GOLGA1: variants seen among roughly 807,000 people sequenced by gnomAD.
The protein encoded by GOLGA1 is golgin A1.
GOLGA1 carries 63 observed loss-of-function variants against 119.7 expected under a neutral mutation model. The ratio of observed to expected loss-of-function variants is 0.53; its 90% CI spans 0.43 to 0.65. GOLGA1 has a LOEUF of 0.65. Among genes scored for constraint, GOLGA1 ranks in the 30% least tolerant of loss-of-function variants. The pLI, the probability that GOLGA1 is intolerant of heterozygous loss-of-function variation, is 0.00. For missense variants in GOLGA1, 798 were observed against 912.8 expected (o/e 0.87, Z 1.62); for synonymous variants, 318 against 333.4 (o/e 0.95, Z 0.50).
intron 15 of GOLGA1, 101 bp from the exon 16 acceptor site, chr9:124,890,579 CAG>C: frequency 1.1e-6 from 1 of 870,938 alleles, no homozygotes; most frequent in Non-Finnish European, 1.9e-6. Context: ...TTTGCAGAGC[CAG>C]ACCAACATGC....
intron 19 of GOLGA1, among the ~76,000 whole-genome samples, chr9:124,883,291 T>C (rs138908224): frequency 9.5e-4 from 144 of 150,928 alleles, no homozygotes; most frequent in Middle Eastern, 3.4e-3. Flanking sequence ...TTCTTCTCCT[T>C]CTTTTTTTTT....
intron 8 of GOLGA1, among the ~76,000 whole-genome samples, chr9:124,922,564 A>G (rs1456718630): frequency 1.3e-5 from 2 of 151,302 alleles, no homozygotes; most frequent in East Asian, 1.9e-4. Context: ...AAAAAAAAAA[A>G]AAAGAAAGAA....
chr9:124,945,884 A>G (rs1022119912), upstream of GOLGA1: 2 of 152,114 alleles, frequency 1.3e-5, no homozygotes, highest in African/African-American at 4.8e-5. Flanking sequence ...AAGTGGTCCC[A>G]TTATCCAGGA....
intron 22 of GOLGA1, among the ~76,000 whole-genome samples, 173 bp from the exon 23 acceptor site, chr9:124,880,783 C>T (rs774841081): frequency 6.6e-6 from 1 of 152,074 alleles, no homozygotes; most frequent in Non-Finnish European, 1.5e-5. Flanking sequence ...GGCCCGTGCT[C>T]AGTACAGGAG....
chr9:124,886,204 G>C (rs1829716479), intron 19 of GOLGA1, among the ~76,000 whole-genome samples: 1 of 152,230 alleles, frequency 6.6e-6, no homozygotes, highest in Non-Finnish European at 1.5e-5. Flanking sequence ...TGTCTGGGCG[G>C]GAGGTAGGGA....
At chr9:124,902,217 T>C (rs1394236518) in intron 12 of GOLGA1, among the ~76,000 whole-genome samples, 4 of 151,562 alleles carry the variant, frequency 2.6e-5, no homozygotes, top group Non-Finnish European at 4.4e-5. Flanking sequence ...GTTCACGCCA[T>C]TCTCCTGCCT....
chr9:124,938,893 CA>C, intron 2 of GOLGA1, 27 bp from the exon 3 acceptor site: 1 of 492,006 alleles, frequency 2.0e-6, no homozygotes, highest in Admixed American at 3.9e-5. Context: ...AGAGACAGTT[CA>C]AAAGTTAAAC....
Position 124,908,401 on chromosome 9 carries a change from C to CT in GOLGA1, c.1040dup (p.Ala348GlyfsTer3). ...CCCGAGTCTCCAGGGTGTTAATGGC[C>CT]TTAGCCTGGCTGCTTCTGGCTGCCA... is the stretch of plus-strand genomic sequence containing the variant. On this transcript the variant is annotated frameshift_variant, in exon 12 of 23. Coordinates refer to ENST00000373555, the MANE Select transcript of GOLGA1 (RefSeq NM_002077.4). LOFTEE classifies it high-confidence loss of function. 1 of 1,607,602 alleles carries CT rather than the reference C, an allele frequency of 6.2e-7. No individual in the cohort carries two copies. The highest frequency in any genetic ancestry group is 1.1e-5 in the South Asian group (1 of 90,962).
intron 18 of GOLGA1, 100 bp downstream of exon 18, chr9:124,889,043 C>T: frequency 6.7e-6 from 6 of 898,460 alleles, no homozygotes; most frequent in South Asian, 1.7e-5. Context: ...AGGGGAGCGT[C>T]GTGTCCACCA....
At chr9:124,917,520 T>C (rs1165366711) in intron 10 of GOLGA1, among the ~76,000 whole-genome samples, 1 of 152,158 alleles carries the variant, frequency 6.6e-6, no homozygotes, top group Non-Finnish European at 1.5e-5. Context: ...TCAATAGTTC[T>C]TACATTTGTC....
intron 10 of GOLGA1, among the ~76,000 whole-genome samples, chr9:124,919,737 T>C (rs1830524610): frequency 6.6e-6 from 1 of 152,122 alleles, no homozygotes; most frequent in Admixed American, 6.5e-5. Context: ...TGGATGGCAC[T>C]GCCGAATAGG....
chr9:124,910,012 T>C (rs1434548797), intron 11 of GOLGA1, among the ~76,000 whole-genome samples: 3 of 152,144 alleles, frequency 2.0e-5, no homozygotes, highest in African/African-American at 7.2e-5. Context: ...CTCAGCTCAC[T>C]GCAACCTCCC....
In GOLGA1 at chr9:124,922,168, C is replaced by T. The variant is rs541862064; in HGVS notation, c.562-276G>A. On this transcript the variant is annotated intron_variant, in intron 8 of 22. Coordinates refer to ENST00000373555, the MANE Select transcript of GOLGA1 (RefSeq NM_002077.4). ...ACTTGAACCCGGGAGGTGGAGGTTG[C>T]AATTAGCCAAGATCGCGCCACTGCA... 4.0e-5 allele frequency among the ~76,000 whole-genome samples: 6 copies of T among 150,376 alleles called. No homozygotes were observed. The South Asian group carries it at 6.3e-4, about 16-fold the overall frequency.
At chr9:124,919,203 G>A (rs1830514400) in intron 10 of GOLGA1, among the ~76,000 whole-genome samples, 1 of 152,030 alleles carries the variant, frequency 6.6e-6, no homozygotes, top group South Asian at 2.1e-4. Flanking sequence ...GCTGCAGTGA[G>A]CCGTTGACGT....
chr9:124,926,246 A>G (rs900623333), intron 7 of GOLGA1, among the ~76,000 whole-genome samples: 1 of 152,210 alleles, frequency 6.6e-6, no homozygotes, highest in Non-Finnish European at 1.5e-5. Context: ...AGAGACAAAA[A>G]CTATGTCAAG....
At chr9:124,882,089 T>G (rs1829600443) in intron 20 of GOLGA1, 135 bp from the exon 21 acceptor site, 1 of 643,936 alleles carries the variant, frequency 1.6e-6, no homozygotes, top group Non-Finnish European at 2.7e-6. Flanking sequence ...AGGAAGCACC[T>G]CCAGGTAGGC....
chr9:124,897,764 G>A (rs973799279), intron 15 of GOLGA1, among the ~76,000 whole-genome samples: 5 of 152,154 alleles, frequency 3.3e-5, no homozygotes, highest in African/African-American at 1.2e-4. Context: ...ATGATGCAAT[G>A]CTACTACATT....
chr9:124,889,108 G>A, intron 18 of GOLGA1, 35 bp downstream of exon 18: 1 of 1,557,074 alleles, frequency 6.4e-7, no homozygotes, highest in Admixed American at 1.7e-5. Context: ...CCTGCATCTT[G>A]CTGTAGCACC....
chr9:124,900,640 G>A, intron 12 of GOLGA1, 93 bp from the exon 13 acceptor site: 1 of 581,122 alleles, frequency 1.7e-6, no homozygotes, highest in Non-Finnish European at 3.1e-6. Context: ...AAATAAAACA[G>A]GTACATTATA....
Sources: gnomAD v4.1 joint callset for allele counts (sites outside exome capture counted in the v4.1 genomes callset) on GRCh38, gnomAD v4.1.1 for gene constraint, MANE v1.5 for transcripts, NCBI Gene and HGNC (gene_info 2026-07-23, HGNC 2026-07-21) for gene names.